The following TFCP2L1 variants were observed in gnomAD, a reference collection of about 807,000 sequenced individuals.
The protein encoded by TFCP2L1 is transcription factor CP2-like protein 1.
In TFCP2L1, 12 loss-of-function variants were observed where a neutral mutation model predicts 72.2. The ratio of observed to expected loss-of-function variants is 0.17; its 90% confidence interval spans 0.11 to 0.27. The LOEUF is 0.27. Among genes scored for constraint, TFCP2L1 ranks in the 10% least tolerant of loss-of-function variants. The probability of loss-of-function intolerance (pLI) is 1.00; values close to 1 mark genes in which losing one functional copy is unlikely to be tolerated. For synonymous variants in TFCP2L1, 260 were observed against 251.0 expected (o/e 1.04, Z -0.34); for missense variants, 488 against 624.6 (o/e 0.78, Z 2.33).
At chr2:121,276,223 C>A (rs150397758) in intron 2 of TFCP2L1, among the ~76,000 whole-genome samples, 1,679 of 152,036 alleles carry the variant, frequency 0.011, 30 homozygotes, top group African/African-American at 0.039. Flanking sequence ...CCTTGTCCCC[C>A]ACCCCCCGAC....
chr2:121,280,923 T>G (rs1453616129), intron 2 of TFCP2L1, among the ~76,000 whole-genome samples, 197 bp downstream of exon 2: 2 of 152,190 alleles, frequency 1.3e-5, no homozygotes, highest in Non-Finnish European at 2.9e-5. Flanking sequence ...GTTTCCATTT[T>G]TCAGATGAAG....
At chr2:121,266,638 A>G (rs1184018634) in intron 2 of TFCP2L1, among the ~76,000 whole-genome samples, 1 of 152,174 alleles carries the variant, frequency 6.6e-6, no homozygotes, top group African/African-American at 2.4e-5. Context: ...TGGGTCATCA[A>G]GTCACGAAAT....
intron 2 of TFCP2L1, among the ~76,000 whole-genome samples, chr2:121,257,600 T>A (rs1203417232): frequency 6.6e-6 from 1 of 152,206 alleles, no homozygotes. Context: ...GCACCCCACA[T>A]GTCCAACACC....
rs1685872310 is a variant in TFCP2L1 at position 121,218,450 on chromosome 2, A to C, written c.*5891T>G. 1 of 152,278 alleles carries C rather than the reference A, an allele frequency of 6.6e-6. No individual in the cohort carries two copies. The highest frequency in any genetic ancestry group is 6.5e-5 in the Admixed American group (1 of 15,280). 9.4% of individuals were successfully genotyped at this position (152,278 alleles called of 1,614,324 possible). A position where few individuals can be genotyped will look rare whatever the true frequency, so the allele number is the denominator to read the frequency against. Reference sequence around the variant, plus strand: ...CACCGGTAAGTGCTGATACAGGATGAGGGGTGCGGAGCTGAGGATGTTGTT... The same window carrying C: ...CACCGGTAAGTGCTGATACAGGATGCGGGGTGCGGAGCTGAGGATGTTGTT... On this transcript the variant is annotated 3_prime_UTR_variant, in exon 15 of 15. Coordinates refer to ENST00000263707, the MANE Select transcript of TFCP2L1 (RefSeq NM_014553.3).
At position 121,234,208 on chromosome 2, in the gene TFCP2L1, A is replaced by T. The variant is rs1385411615; in HGVS notation, c.1095-14T>A. ...GGCCTCACATTCCTGGCAGGAGAAGAGAAAATAAATAATAGGTGTGGTGGA... is the reference window on the plus strand; with the variant it reads ...GGCCTCACATTCCTGGCAGGAGAAGTGAAAATAAATAATAGGTGTGGTGGA... On this transcript the variant is annotated splice_polypyrimidine_tract_variant and intron_variant, in intron 11 of 14. Coordinates refer to ENST00000263707, the MANE Select transcript of TFCP2L1 (RefSeq NM_014553.3). The T allele has an allele frequency of 1.2e-6, 2 of 1,612,414 alleles. No homozygotes were observed. Among genetic ancestry groups the T allele is most frequent in the Non-Finnish European group, 1.7e-6 (2 of 1,178,548 alleles).
At chr2:121,254,324 T>A (rs562378999) in intron 2 of TFCP2L1, among the ~76,000 whole-genome samples, 5 of 152,180 alleles carry the variant, frequency 3.3e-5, no homozygotes, top group Admixed American at 2.6e-4. Flanking sequence ...CGTACTATAA[T>A]GTTTAAAATT....
chr2:121,234,920 C>T (rs997677593), intron 11 of TFCP2L1, among the ~76,000 whole-genome samples: 1 of 152,254 alleles, frequency 6.6e-6, no homozygotes, highest in African/African-American at 2.4e-5. Context: ...CATCTGAGAA[C>T]ATGGGCAAGT....
intron 10 of TFCP2L1, among the ~76,000 whole-genome samples, chr2:121,235,555 C>CTGCT (rs1156548283): frequency 6.7e-6 from 1 of 150,250 alleles, no homozygotes; most frequent in African/African-American, 2.5e-5. Flanking sequence ...ATTGCCTGCC[C>CTGCT]TGCTTGCTTT....
chr2:121,284,057 C>T (rs1687317556), intron 1 of TFCP2L1, among the ~76,000 whole-genome samples: 1 of 152,174 alleles, frequency 6.6e-6, no homozygotes, highest in Non-Finnish European at 1.5e-5. Context: ...CTACCAGCAG[C>T]CAGGAATTAC....
intron 6 of TFCP2L1, 121 bp from the exon 7 acceptor site, chr2:121,242,590 A>G (rs1290342878): frequency 4.6e-6 from 4 of 863,236 alleles, no homozygotes; most frequent in East Asian, 4.9e-5. Context: ...CAGGGGCAGG[A>G]CAGCACCTAT....
chr2:121,271,759 G>C (rs1386315561), intron 2 of TFCP2L1, among the ~76,000 whole-genome samples: 1 of 152,220 alleles, frequency 6.6e-6, no homozygotes, highest in Non-Finnish European at 1.5e-5. Context: ...AAAGAATCAA[G>C]TGATTTCCCT....
In TFCP2L1 at chr2:121,259,580, A is replaced by T. The variant is rs191202864; in HGVS notation, c.215-9933T>A. 1.5e-3 allele frequency among the ~76,000 whole-genome samples: 223 copies of T among 152,346 alleles called. 1 individual carries two copies. Among genetic ancestry groups the T allele is most frequent in the Non-Finnish European group, 2.1e-4 (14 of 68,024 alleles). ...AGTTTGAAATTGAAAATTACTTTGA[A>T]TTAGAAGTTAAAAAATAATTTTAAA... is the stretch of plus-strand genomic sequence containing the variant. On this transcript the variant is annotated intron_variant, in intron 2 of 14. Coordinates refer to ENST00000263707, the MANE Select transcript of TFCP2L1 (RefSeq NM_014553.3).
At chr2:121,239,424 G>A in intron 8 of TFCP2L1, 134 bp downstream of exon 8, 1 of 944,292 alleles carries the variant, frequency 1.1e-6, no homozygotes, top group Admixed American at 2.0e-5. Context: ...GCTGAAGACA[G>A]TTGTGACTGC....
At chr2:121,236,702 C>T (rs1438512560) in intron 10 of TFCP2L1, among the ~76,000 whole-genome samples, 2 of 148,558 alleles carry the variant, frequency 1.3e-5, no homozygotes, top group Admixed American at 1.3e-4. Flanking sequence ...TCTCTGACCT[C>T]TCCTCCCCGG....
At chr2:121,282,763 T>C (rs754305770) in intron 1 of TFCP2L1, among the ~76,000 whole-genome samples, 1 of 152,148 alleles carries the variant, frequency 6.6e-6, no homozygotes, top group African/African-American at 2.4e-5. Context: ...CACTTGTCTG[T>C]ATAAACAGAG....
At chr2:121,243,562 C>T (rs1350913724) in intron 6 of TFCP2L1, among the ~76,000 whole-genome samples, 1 of 152,152 alleles carries the variant, frequency 6.6e-6, no homozygotes, top group Non-Finnish European at 1.5e-5. Flanking sequence ...TACAGCTGCT[C>T]CCTACTGCTC....
At chr2:121,241,142 T>C (rs549056007) in intron 7 of TFCP2L1, among the ~76,000 whole-genome samples, 2 of 152,056 alleles carry the variant, frequency 1.3e-5, no homozygotes, top group African/African-American at 4.8e-5. Flanking sequence ...CAGAACACAG[T>C]GGGAAAGAGT....
intron 13 of TFCP2L1, among the ~76,000 whole-genome samples, chr2:121,226,544 C>T (rs1455990710): frequency 6.6e-6 from 1 of 152,064 alleles, no homozygotes; most frequent in Non-Finnish European, 1.5e-5. Flanking sequence ...AGGATCTGCA[C>T]ATCAGCGTCC....
chr2:121,284,417 C>G (rs950330585), intron 1 of TFCP2L1, among the ~76,000 whole-genome samples: 3 of 152,234 alleles, frequency 2.0e-5, no homozygotes, highest in African/African-American at 4.8e-5. Context: ...ACACGCAGGA[C>G]TTACTTTCCC....
Sources: gnomAD v4.1 joint callset for allele counts (sites outside exome capture counted in the v4.1 genomes callset) on GRCh38, gnomAD v4.1.1 for gene constraint, MANE v1.5 for transcripts, NCBI Gene and HGNC (gene_info 2026-07-23, HGNC 2026-07-21) for gene names.